Variants in PRRC2B observed in about 807,000 individuals in gnomAD.
PRRC2B encodes proline rich coiled-coil 2B, also known as protein PRRC2B.
Under a neutral mutation model 242.3 loss-of-function variants are expected in PRRC2B, and 68 were observed. That is an observed-to-expected ratio of 0.28 (90% CI 0.23 to 0.34). The LOEUF is 0.34. Ranked by LOEUF, PRRC2B falls within the 10% of genes least tolerant of loss-of-function variation. PRRC2B has a pLI of 1.00. For synonymous variants in PRRC2B, 1,228 were observed against 1,173.6 expected, an observed-to-expected ratio of 1.05 and a Z score of -0.95; for missense variants, 2,835 against 2,954.8, an observed-to-expected ratio of 0.96 and a Z score of 0.94.
intron 3 of PRRC2B, among the ~76,000 whole-genome samples, chr9:131,435,608 C>T (rs1214117182): frequency 7.3e-5 from 10 of 136,554 alleles, no homozygotes; most frequent in Admixed American, 1.6e-4. Context: ...GAATGAGACT[C>T]CATCTAAAAA....
chr9:131,378,923 T>C (rs1306005664), intron 1 of PRRC2B, among the ~76,000 whole-genome samples: 8 of 152,184 alleles, frequency 5.3e-5, no homozygotes, highest in Non-Finnish European at 8.8e-5. Context: ...TTCACCATGT[T>C]GGCCAGGCTG....
At chr9:131,459,745 C>T (rs1943188253) in intron 11 of PRRC2B, among the ~76,000 whole-genome samples, 1 of 152,070 alleles carries the variant, frequency 6.6e-6, no homozygotes, top group Non-Finnish European at 1.5e-5. Flanking sequence ...TACTATGTTG[C>T]CCAGGCTAGT....
At chr9:131,455,618 C>T (rs566631502) in intron 10 of PRRC2B, among the ~76,000 whole-genome samples, 1 of 147,584 alleles carries the variant, frequency 6.8e-6, no homozygotes, top group African/African-American at 2.5e-5. Context: ...CTGGGCTCAG[C>T]GATTCTCCCA....
At chr9:131,436,375 G>A (rs1478712596) in intron 3 of PRRC2B, among the ~76,000 whole-genome samples, 1 of 152,112 alleles carries the variant, frequency 6.6e-6, no homozygotes, top group Non-Finnish European at 1.5e-5. Flanking sequence ...TCAAAAAAAA[G>A]AAAAAGAAAA....
Position 131,414,158 on chromosome 9 carries a change from AAG to A in PRRC2B, c.-51-15932_-51-15931del, listed in dbSNP as rs371876236. Among the ~76,000 whole-genome samples the A allele has an allele frequency of 2.9e-3, 437 of 152,120 alleles. 4 individuals are homozygous for A. The highest frequency in any genetic ancestry group is 0.01 in the African/African-American group (418 of 41,500). On this transcript the variant is annotated intron_variant, in intron 1 of 31. Coordinates refer to ENST00000683519, the MANE Select transcript of PRRC2B (RefSeq NM_013318.4). The stretch of plus-strand genomic sequence containing the variant: ...GTCACTTAATTTATGACACATGACA[AAG>A]AGAAAAGATGGCCTTTTCAGAAAAG...
In PRRC2B at chr9:131,486,149, T is replaced by C. The variant is rs747390074; in HGVS notation, c.5823T>C (p.Pro1941=). The change falls in exon 26 of 32, where the codon CCT becomes CCC. Residue 1941 remains proline, a synonymous_variant. Coordinates refer to ENST00000683519, the MANE Select transcript of PRRC2B (RefSeq NM_013318.4). The part of the protein sequence containing the change: ...HVFASQPRLV[P]QTIPQQQSYQ... ...TTGCAAGTCAGCCCCGGCTGGTTCCTCAAACGATACCTCAGCAGCAGAGTT... is the reference window on the plus strand; with the variant it reads ...TTGCAAGTCAGCCCCGGCTGGTTCCCCAAACGATACCTCAGCAGCAGAGTT... 2.5e-6 allele frequency: 4 copies of C among 1,612,550 alleles called. No individual in the cohort carries two copies. Among genetic ancestry groups the C allele is most frequent in the East Asian group, 4.5e-5 (2 of 44,826 alleles).
intron 19 of PRRC2B, 92 bp downstream of exon 19, chr9:131,479,485 G>C (rs1044888924): frequency 1.6e-6 from 2 of 1,232,972 alleles, no homozygotes; most frequent in Non-Finnish European, 2.3e-6. Context: ...TTTGAGCTAC[G>C]AATATAGATG....
chr9:131,428,858 G>A (rs1032296801), intron 1 of PRRC2B, among the ~76,000 whole-genome samples: 2 of 152,230 alleles, frequency 1.3e-5, no homozygotes, highest in Non-Finnish European at 2.9e-5. Flanking sequence ...AGGAAGCTTA[G>A]AACCTATTGC....
In PRRC2B at chr9:131,444,377, C is replaced by T. The variant is rs1221494380; in HGVS notation, c.613+49C>T. 8 of 1,581,570 alleles carry T rather than the reference C, an allele frequency of 5.1e-6. No individual in the cohort carries two copies. In the Admixed American group the frequency reaches 9.1e-5, roughly 18 times the overall value. ...ACTCGATGGAGTAACAGAACTTCCT[C>T]CTCTCATCTCTCTGCACTCCTAAAA... On this transcript the variant is annotated intron_variant, in intron 6 of 31. Transcript: ENST00000683519.
At chr9:131,463,807 C>T (rs1352043940) in intron 11 of PRRC2B, among the ~76,000 whole-genome samples, 1 of 151,530 alleles carries the variant, frequency 6.6e-6, no homozygotes, top group Non-Finnish European at 1.5e-5. Flanking sequence ...TTTTGGGGGG[C>T]TGGGGGGTAA....
chr9:131,438,258 C>T (rs192252065), intron 4 of PRRC2B, among the ~76,000 whole-genome samples: 11 of 152,212 alleles, frequency 7.2e-5, no homozygotes, highest in Non-Finnish European at 8.8e-5. Flanking sequence ...GTTAGAGACT[C>T]GAAAGGGCAC....
chr9:131,455,721 C>T (rs1167117332), intron 10 of PRRC2B, among the ~76,000 whole-genome samples: 1 of 151,928 alleles, frequency 6.6e-6, no homozygotes, highest in Non-Finnish European at 1.5e-5. Context: ...TGCCACGTTA[C>T]CCAGGTTTGG....
At chr9:131,466,799 CT>C (rs1204649279) in intron 12 of PRRC2B, among the ~76,000 whole-genome samples, 3 of 150,328 alleles carry the variant, frequency 2.0e-5, no homozygotes, top group African/African-American at 7.4e-5. Context: ...TTTGTACTTT[CT>C]TTTTTTCTTT....
intron 11 of PRRC2B, among the ~76,000 whole-genome samples, chr9:131,462,836 TAAAAAAAAA>T (rs553444971): frequency 1.2e-5 from 1 of 81,940 alleles, no homozygotes; most frequent in Non-Finnish European, 2.2e-5. Flanking sequence ...AGACTCCGTC[TAAAAAAAAA>T]AAAAAAAAAA....
At chr9:131,397,640 T>C (rs1053152608) in intron 1 of PRRC2B, among the ~76,000 whole-genome samples, 2 of 150,332 alleles carry the variant, frequency 1.3e-5, no homozygotes, top group African/African-American at 2.5e-5. Flanking sequence ...ATGCTAGTTA[T>C]ATGTCTCATT....
chr9:131,463,507 G>A (rs573219433), intron 11 of PRRC2B, among the ~76,000 whole-genome samples: 5 of 151,922 alleles, frequency 3.3e-5, no homozygotes, highest in Non-Finnish European at 2.9e-5. Flanking sequence ...CATTTGTCCT[G>A]TTGCCAGGTC....
At chr9:131,485,957 T>C in intron 25 of PRRC2B, 128 bp from the exon 26 acceptor site, 1 of 730,982 alleles carries the variant, frequency 1.4e-6, no homozygotes, top group South Asian at 1.5e-5. Flanking sequence ...TAGCAGCCTC[T>C]GTACACACGC....
At chr9:131,456,358 A>T (rs1193304721) in intron 10 of PRRC2B, among the ~76,000 whole-genome samples, 1 of 151,676 alleles carries the variant, frequency 6.6e-6, no homozygotes, top group Non-Finnish European at 1.5e-5. Context: ...ATGGCCAGGC[A>T]CGGTGGCTCA....
chr9:131,491,233 T>G, intron 28 of PRRC2B, 192 bp from the exon 29 acceptor site: 1 of 549,020 alleles, frequency 1.8e-6, no homozygotes, highest in Non-Finnish European at 3.1e-6. Context: ...GCCTCTGCCA[T>G]CGAAGGTGTG....
Sources: allele counts gnomAD v4.1 joint callset (sites outside exome capture counted in the v4.1 genomes callset), GRCh38; gene constraint gnomAD v4.1.1; transcripts MANE v1.5; gene names NCBI Gene and HGNC (gene_info 2026-07-23, HGNC 2026-07-21).